Variants in TENM3 observed in about 807,000 individuals in gnomAD.
TENM3 encodes teneurin transmembrane protein 3.
Under a neutral mutation model 255.1 loss-of-function variants are expected in TENM3, and 63 were observed. The ratio of observed to expected loss-of-function variants is 0.25; its 90% confidence interval spans 0.20 to 0.30. The LOEUF (loss-of-function observed/expected upper bound fraction) is 0.30, where lower values mean the gene tolerates loss of function less well. Among genes scored for constraint, TENM3 ranks in the 10% least tolerant of loss-of-function variants. TENM3 has a pLI of 1.00. For missense variants in TENM3, 2,929 were observed against 3,461.1 expected (o/e 0.85, Z 3.86); for synonymous variants, 1,306 against 1,322.3 (o/e 0.99, Z 0.27).
At chr4:181,854,784 G>T in the TENM3 span, among the ~76,000 whole-genome samples, 1 of 152,152 alleles carries the variant, frequency 6.6e-6, no homozygotes, top group Non-Finnish European at 1.5e-5. Context: ...ATTTATGAAG[G>T]ATCACAAAAT....
At chr4:182,629,201 T>C (rs1472093400) in intron 5 of TENM3, among the ~76,000 whole-genome samples, 1 of 152,172 alleles carries the variant, frequency 6.6e-6, no homozygotes, top group East Asian at 1.9e-4. Flanking sequence ...AAATAATTCA[T>C]GCGCTTGCAG....
At chr4:181,634,801 A>G in the TENM3 span, among the ~76,000 whole-genome samples, 1 of 152,158 alleles carries the variant, frequency 6.6e-6, no homozygotes, top group East Asian at 1.9e-4. Context: ...GCTGTTTACA[A>G]TTTTTTGGTT....
In TENM3 at chr4:182,800,747, A is replaced by C. The variant is rs1766891009; in HGVS notation, c.*396A>C. 6.2e-6 allele frequency: 1 copy of C among 161,530 alleles called. No homozygotes were observed. Among genetic ancestry groups the C allele is most frequent in the Admixed American group, 5.9e-5 (1 of 16,898 alleles). The allele number at this position is 161,530 out of a possible 1,614,324, so 10.0% of individuals were successfully genotyped here. On this transcript the variant is annotated 3_prime_UTR_variant, in exon 28 of 28. Coordinates refer to ENST00000511685, the MANE Select transcript of TENM3 (RefSeq NM_001080477.4). ...GAATTGTCGACCTTTGCTTACAAGA[A>C]GTAGTCTGTCTGCATAGGATGTGAT...
At chr4:182,428,698 A>G (rs1398774059) in intron 3 of TENM3, among the ~76,000 whole-genome samples, 1 of 152,174 alleles carries the variant, frequency 6.6e-6, no homozygotes, top group Non-Finnish European at 1.5e-5. Context: ...AAATGTATAT[A>G]TTAGAATAAT....
At chr4:182,179,715 A>G (rs1752726600) in intron 1 of TENM3, among the ~76,000 whole-genome samples, 1 of 152,204 alleles carries the variant, frequency 6.6e-6, no homozygotes, top group South Asian at 2.1e-4. Context: ...TTCAAGTTCA[A>G]AAAGCATTTT....
chr4:182,229,542 AAG>A lies in TENM3; in HGVS notation c.-76+84793_-76+84794del, dbSNP rs1044982455. Among the ~76,000 whole-genome samples the A allele has an allele frequency of 3.3e-4, 50 of 152,092 alleles. 1 individual carries two copies. The highest frequency in any genetic ancestry group is 2.4e-3 in the Admixed American group (36 of 15,256). ...TTAACCATTTAATATTTGATTTACC[AAG>A]AGAGCAAAATTTTGTTTTCAAAATG... is the stretch of plus-strand genomic sequence containing the variant. On this transcript the variant is annotated intron_variant, in intron 1 of 2. Coordinates refer to the TENM3 transcript ENST00000512480.
At chr4:182,321,970 A>G (rs760248648) in intron 1 of TENM3, among the ~76,000 whole-genome samples, 5 of 152,200 alleles carry the variant, frequency 3.3e-5, no homozygotes, top group Middle Eastern at 3.4e-3. Flanking sequence ...AAATAAATAA[A>G]TAATACTTCT....
chr4:181,631,258 A>G, the TENM3 span, among the ~76,000 whole-genome samples: 2 of 150,374 alleles, frequency 1.3e-5, no homozygotes, highest in African/African-American at 2.4e-5. Context: ...CTCTCATAGT[A>G]CCAATCTCTT....
intron 3 of TENM3, among the ~76,000 whole-genome samples, chr4:182,509,699 AG>A (rs1435302412): frequency 1.3e-5 from 2 of 152,180 alleles, no homozygotes; most frequent in Non-Finnish European, 2.9e-5. Context: ...GCACTTTGGG[AG>A]GCCAAGACAG....
At chr4:182,040,377 A>G in the TENM3 span, among the ~76,000 whole-genome samples, 54,694 of 151,636 alleles carry the variant, frequency 0.36, 12,432 homozygotes, top group African/African-American at 0.65. Context: ...AAAGTCATCT[A>G]CTCCTTTACT....
chr4:182,401,920 A>G (rs1769238515), intron 3 of TENM3, among the ~76,000 whole-genome samples: 1 of 152,220 alleles, frequency 6.6e-6, no homozygotes, highest in South Asian at 2.1e-4. Flanking sequence ...GCGATCCGTT[A>G]TTACCATTTC....
the TENM3 span, among the ~76,000 whole-genome samples, chr4:181,985,311 C>T: frequency 1.4e-5 from 2 of 146,552 alleles, no homozygotes; most frequent in African/African-American, 5.1e-5. Context: ...AGCTAAGGTT[C>T]CCATAGAGAA....
At chr4:182,400,924 G>A (rs1353980055) in intron 3 of TENM3, among the ~76,000 whole-genome samples, 1 of 152,182 alleles carries the variant, frequency 6.6e-6, no homozygotes, top group African/African-American at 2.4e-5. Flanking sequence ...GCAAGGCAAG[G>A]CATTGCCAGC....
chr4:182,731,292 T>TC (rs1297124627), intron 16 of TENM3, among the ~76,000 whole-genome samples, 153 bp downstream of exon 16: 6 of 151,992 alleles, frequency 3.9e-5, no homozygotes, highest in African/African-American at 1.4e-4. Context: ...GATCATGAGG[T>TC]CAGGAGTTCA....
the TENM3 span, among the ~76,000 whole-genome samples, chr4:181,677,828 A>G: frequency 6.6e-6 from 1 of 152,094 alleles, no homozygotes; most frequent in East Asian, 1.9e-4. Flanking sequence ...GTCCAGACTC[A>G]TTAGCCTTAT....
chr4:181,853,699 A>G, the TENM3 span, among the ~76,000 whole-genome samples: 1 of 152,350 alleles, frequency 6.6e-6, no homozygotes, highest in African/African-American at 2.4e-5. Flanking sequence ...ATGCTGAAGA[A>G]TCACAGTTGT....
the TENM3 span, among the ~76,000 whole-genome samples, chr4:181,963,646 A>G: frequency 6.6e-6 from 1 of 152,322 alleles, no homozygotes; most frequent in East Asian, 1.9e-4. Context: ...CTGAACCTGA[A>G]TGGCCCAAAG....
chr4:182,255,250 A>T (rs1283086009), intron 1 of TENM3, among the ~76,000 whole-genome samples: 1 of 152,036 alleles, frequency 6.6e-6, no homozygotes, highest in African/African-American at 2.4e-5. Flanking sequence ...CACAGTTTTG[A>T]GTCTATAGGA....
intron 1 of TENM3, among the ~76,000 whole-genome samples, chr4:182,260,065 A>T (rs984508806): frequency 6.6e-6 from 1 of 152,116 alleles, no homozygotes; most frequent in African/African-American, 2.4e-5. Context: ...AAATGACCGG[A>T]TTTCACTAAT....
Sources: gnomAD v4.1 joint callset for allele counts (sites outside exome capture counted in the v4.1 genomes callset) on GRCh38, gnomAD v4.1.1 for gene constraint, MANE v1.5 for transcripts, NCBI Gene and HGNC (gene_info 2026-07-23, HGNC 2026-07-21) for gene names.